Variants in RBMS3 observed in about 807,000 individuals in gnomAD.
The protein encoded by RBMS3 is RNA-binding motif, single-stranded-interacting protein 3.
A neutral mutation model predicts 66.8 loss-of-function variants in RBMS3; 27 were observed. That is an observed-to-expected ratio of 0.40 (90% CI 0.30 to 0.56). RBMS3 has a LOEUF of 0.56. Ranked by LOEUF, RBMS3 falls within the 20% of genes least tolerant of loss-of-function variation. RBMS3 has a pLI of 0.40. For missense variants in RBMS3, 513 were observed against 549.5 expected, an observed-to-expected ratio of 0.93 and a Z score of 0.66; for synonymous variants, 188 against 183.0, an observed-to-expected ratio of 1.03 and a Z score of -0.22.
At chr3:29,333,236 G>T (rs955386860) in intron 1 of RBMS3, among the ~76,000 whole-genome samples, 2 of 152,090 alleles carry the variant, frequency 1.3e-5, no homozygotes, top group Admixed American at 1.3e-4. Context: ...TGAATCAATT[G>T]TGTATTTCTT....
intron 1 of RBMS3, among the ~76,000 whole-genome samples, chr3:29,309,428 G>T (rs562150155): frequency 6.6e-6 from 1 of 151,680 alleles, no homozygotes; most frequent in Admixed American, 6.6e-5. Context: ...CCCTTTGGGC[G>T]TATTTGTATC....
intron 1 of RBMS3, among the ~76,000 whole-genome samples, chr3:29,365,678 G>A (rs1232997309): frequency 2.6e-5 from 4 of 152,098 alleles, no homozygotes; most frequent in African/African-American, 4.8e-5. Context: ...TCCTATGGAT[G>A]CAATGTCCAT....
chr3:29,968,321 G>A (rs1262949189), intron 12 of RBMS3, among the ~76,000 whole-genome samples: 4 of 152,262 alleles, frequency 2.6e-5, no homozygotes, highest in East Asian at 1.9e-4. Flanking sequence ...TGTGAAGTCC[G>A]CTAGCCAGAT....
intron 6 of RBMS3, among the ~76,000 whole-genome samples, chr3:29,846,416 G>T (rs542052175): frequency 6.6e-6 from 1 of 152,232 alleles, no homozygotes; most frequent in East Asian, 1.9e-4. Flanking sequence ...TGTGATGAAG[G>T]CTGGGGAAAG....
intron 6 of RBMS3, among the ~76,000 whole-genome samples, chr3:29,842,102 A>G (rs1026324814): frequency 2.0e-5 from 3 of 152,100 alleles, no homozygotes; most frequent in Admixed American, 6.6e-5. Context: ...AATTTTTGCA[A>G]TATTTTACAT....
chr3:29,946,639 T>C (rs890050498), intron 12 of RBMS3, among the ~76,000 whole-genome samples: 1 of 151,624 alleles, frequency 6.6e-6, no homozygotes, highest in Non-Finnish European at 1.5e-5. Context: ...AGAAAGAATA[T>C]TTGAAATCCT....
chr3:29,420,090 G>T (rs1439433948), intron 1 of RBMS3, among the ~76,000 whole-genome samples: 1 of 152,198 alleles, frequency 6.6e-6, no homozygotes, highest in Non-Finnish European at 1.5e-5. Flanking sequence ...AAGAAATGAT[G>T]TTAGTAAAGA....
At position 29,384,417 on chromosome 3, in the gene RBMS3, C is replaced by CAATAATAATAATAAT. The variant is rs532698967; in HGVS notation, c.76-50320_76-50306dup. Among the ~76,000 whole-genome samples the CAATAATAATAATAAT allele has an allele frequency of 2.7e-3, 377 of 137,452 alleles. 1 individual carries two copies. Among genetic ancestry groups the CAATAATAATAATAAT allele is most frequent in the African/African-American group, 8.5e-3 (316 of 37,130 alleles). 90.2% of individuals were successfully genotyped at this position (137,452 alleles called of 152,430 possible). A position where few individuals can be genotyped will look rare whatever the true frequency, so the allele number is the denominator to read the frequency against. On this transcript the variant is annotated intron_variant, in intron 1 of 14. Transcript: ENST00000383767. ...TTGCTTAAGAAGTAAACATATACAC[C>CAATAATAATAATAAT]AATAATAATAATAATAATAAGAAGA...
In RBMS3 at chr3:29,760,963, G is replaced by T. The variant is rs146773175; in HGVS notation, c.558-1947G>T. Among the ~76,000 whole-genome samples, 576 of 152,034 alleles carry T rather than the reference G, an allele frequency of 3.8e-3. 4 individuals are homozygous for T. Among genetic ancestry groups the T allele is most frequent in the African/African-American group, 0.013 (548 of 41,486 alleles). On this transcript the variant is annotated intron_variant, in intron 5 of 14. Transcript: ENST00000383767. ...TTTTTTTCAAAATAATACTTATGTGGATCCATTGGGTCACCTGATGATATA... is the reference window on the plus strand; with the variant it reads ...TTTTTTTCAAAATAATACTTATGTGTATCCATTGGGTCACCTGATGATATA...
intron 1 of RBMS3, among the ~76,000 whole-genome samples, chr3:29,290,202 A>G (rs1349582593): frequency 6.6e-6 from 1 of 151,902 alleles, no homozygotes; most frequent in Non-Finnish European, 1.5e-5. Context: ...CACCCAATAT[A>G]TAACTTAAAA....
At chr3:29,985,433 A>AAT (rs1473349087) in intron 12 of RBMS3, among the ~76,000 whole-genome samples, 1 of 151,830 alleles carries the variant, frequency 6.6e-6, no homozygotes, top group Non-Finnish European at 1.5e-5. Context: ...TAGCAGCCCA[A>AAT]ATAGCTGCCC....
chr3:29,885,497 G>A (rs996392818), intron 8 of RBMS3, among the ~76,000 whole-genome samples: 2 of 151,852 alleles, frequency 1.3e-5, no homozygotes, highest in African/African-American at 4.8e-5. Flanking sequence ...TTAAGTGATA[G>A]TGACTGAAAA....
intron 8 of RBMS3, 67 bp downstream of exon 8, chr3:29,884,275 G>T (rs2059806547): frequency 7.0e-7 from 1 of 1,432,860 alleles, no homozygotes; most frequent in Non-Finnish European, 9.7e-7. Context: ...CAACATCAAA[G>T]AAAAATGTTA....
At chr3:29,470,319 G>A (rs1331285549) in intron 2 of RBMS3, among the ~76,000 whole-genome samples, 1 of 151,884 alleles carries the variant, frequency 6.6e-6, no homozygotes, top group Non-Finnish European at 1.5e-5. Flanking sequence ...TAGTTTCAAA[G>A]ATCAAAAGAA....
At chr3:29,496,092 G>A (rs1198735225) in intron 3 of RBMS3, among the ~76,000 whole-genome samples, 1 of 151,350 alleles carries the variant, frequency 6.6e-6, no homozygotes, top group African/African-American at 2.4e-5. Context: ...CCACCAGGTG[G>A]GCTCACAGTC....
chr3:29,366,524 C>T (rs1333105311), intron 1 of RBMS3, among the ~76,000 whole-genome samples: 5 of 150,896 alleles, frequency 3.3e-5, no homozygotes, highest in Non-Finnish European at 7.4e-5. Context: ...GGTACTACAG[C>T]TATGAGCCAC....
chr3:29,699,749 C>A (rs920010679), intron 4 of RBMS3, among the ~76,000 whole-genome samples: 2 of 152,090 alleles, frequency 1.3e-5, no homozygotes, highest in Non-Finnish European at 2.9e-5. Flanking sequence ...TATTACACCC[C>A]CATACATATT....
At chr3:29,763,171 T>C (rs995770567) in intron 6 of RBMS3, among the ~76,000 whole-genome samples, 182 bp downstream of exon 6, 5 of 152,124 alleles carry the variant, frequency 3.3e-5, no homozygotes, top group Admixed American at 6.6e-5. Flanking sequence ...TGGTAATTCT[T>C]CTTTTGCTTT....
intron 2 of RBMS3, among the ~76,000 whole-genome samples, chr3:29,454,475 A>G (rs78947528): frequency 6.6e-6 from 1 of 152,194 alleles, no homozygotes; most frequent in South Asian, 2.1e-4. Context: ...GTATACTACA[A>G]TGGTGGATCT....
Sources: gnomAD v4.1 joint callset for allele counts (sites outside exome capture counted in the v4.1 genomes callset) on GRCh38, gnomAD v4.1.1 for gene constraint, MANE v1.5 for transcripts, NCBI Gene and HGNC (gene_info 2026-07-23, HGNC 2026-07-21) for gene names.